The following NUAK2 variants were observed in gnomAD, a reference collection of about 807,000 sequenced individuals.
The protein encoded by NUAK2 is NUAK family kinase 2, also known as NUAK family SNF1-like kinase 2.
Under a neutral mutation model 29.8 loss-of-function variants are expected in NUAK2, and 20 were observed. That is an observed-to-expected ratio of 0.67 (90% CI 0.47 to 0.98). The LOEUF (loss-of-function observed/expected upper bound fraction) is 0.98, where lower values mean the gene tolerates loss of function less well. Ranked by LOEUF, NUAK2 falls within the 50% of genes least tolerant of loss-of-function variation. NUAK2 has a pLI of 0.00. For synonymous variants in NUAK2, 331 were observed against 342.6 expected, an observed-to-expected ratio of 0.97 and a Z score of 0.37; for missense variants, 719 against 834.5, an observed-to-expected ratio of 0.86 and a Z score of 1.71.
At chr1:205,306,609 C>T (rs1035273598) in intron 4 of NUAK2, among the ~76,000 whole-genome samples, 1 of 152,136 alleles carries the variant, frequency 6.6e-6, no homozygotes, top group Admixed American at 6.5e-5. Flanking sequence ...TGTCTCATGC[C>T]CATATCCCTT....
rs989370057 is a variant in NUAK2 at position 205,311,886 on chromosome 1, T to C, written c.232-61A>G. The C allele has an allele frequency of 8.7e-6, 14 of 1,602,876 alleles. No homozygotes were observed. The African/African-American group carries it at 1.9e-4, about 21-fold the overall frequency. ...TTGGCAGAGGACACTCTGGGGGCCC[T>C]GGTCCTGGTGGTTTGCCTGTAGCTG... On this transcript the variant is annotated intron_variant, in intron 1 of 6. Coordinates refer to ENST00000367157, the MANE Select transcript of NUAK2 (RefSeq NM_030952.3).
chr1:205,318,333 C>T (rs988763376), intron 1 of NUAK2, among the ~76,000 whole-genome samples: 1 of 152,208 alleles, frequency 6.6e-6, no homozygotes, highest in African/African-American at 2.4e-5. Flanking sequence ...GTTGGAATAA[C>T]AAAGCACACT....
At chr1:205,312,111 T>C (rs946174067) in intron 1 of NUAK2, among the ~76,000 whole-genome samples, 1 of 152,198 alleles carries the variant, frequency 6.6e-6, no homozygotes, top group Non-Finnish European at 1.5e-5. Context: ...AAAACCTGCA[T>C]TTGCAAGGCT....
rs1662095083 is a variant in NUAK2, at chr1:205,302,614, G to A, written c.*836C>T. The A allele has an allele frequency of 6.6e-6, 1 of 152,310 alleles. No homozygotes were observed. The allele number at this position is 152,310 out of a possible 1,614,324, so 9.4% of individuals were successfully genotyped here. Reference sequence around the variant, plus strand: ...AGGCTAAATAAGGAAGGGTTAGGTGGGGCGCGGTGGCTCACGCCTGTAATC... The same window carrying A: ...AGGCTAAATAAGGAAGGGTTAGGTGAGGCGCGGTGGCTCACGCCTGTAATC... On this transcript the variant is annotated 3_prime_UTR_variant, in exon 7 of 7. Transcript: ENST00000367157.
rs1287470915 is a variant in NUAK2, at chr1:205,303,046, T to G, written c.*404A>C. On this transcript the variant is annotated 3_prime_UTR_variant, in exon 7 of 7. Coordinates refer to ENST00000367157, the MANE Select transcript of NUAK2 (RefSeq NM_030952.3). ...TGTGTGTAAAGAGGTCTGGCCCCAC[T>G]TGGGCAGGGAATGAGTAGGGAAGGA... The G allele has an allele frequency of 1.9e-5, 3 of 157,056 alleles. No homozygotes were observed. Among genetic ancestry groups the G allele is most frequent in the African/African-American group, 7.2e-5 (3 of 41,626 alleles). The allele number at this position is 157,056 out of a possible 1,614,324, so 9.7% of individuals were successfully genotyped here.
At chr1:205,306,095 G>T in intron 5 of NUAK2, 93 bp downstream of exon 5, 1 of 1,465,488 alleles carries the variant, frequency 6.8e-7, no homozygotes, top group Non-Finnish European at 9.1e-7. Flanking sequence ...CTCTGAAAAT[G>T]TGAATAACGA....
chr1:205,314,171 G>C (rs527610671), intron 1 of NUAK2, among the ~76,000 whole-genome samples: 1 of 152,210 alleles, frequency 6.6e-6, no homozygotes, highest in South Asian at 2.1e-4. Flanking sequence ...GCCCTGGCCC[G>C]GTCACCCCGG....
At chr1:205,317,685 A>G (rs1348309500) in intron 1 of NUAK2, among the ~76,000 whole-genome samples, 2 of 152,150 alleles carry the variant, frequency 1.3e-5, no homozygotes, top group Non-Finnish European at 2.9e-5. Context: ...AGTGGCCTGC[A>G]GCCTCCCTCC....
At chr1:205,306,452 C>T in intron 4 of NUAK2, 145 bp from the exon 5 acceptor site, 1 of 1,044,148 alleles carries the variant, frequency 9.6e-7, no homozygotes, top group South Asian at 1.6e-5. Context: ...CCACACTGAG[C>T]ACTGTCAGCA....
chr1:205,321,387 G>A lies in NUAK2; in HGVS notation c.231+11C>T. On this transcript the variant is annotated intron_variant, in intron 1 of 6. Coordinates refer to ENST00000367157, the MANE Select transcript of NUAK2 (RefSeq NM_030952.3). ...AGCCCGCCCCGCGCCGCGAGAGGGAGCCGCACTCACCAGGCGCCCCGAGCT... is the reference window on the plus strand; with the variant it reads ...AGCCCGCCCCGCGCCGCGAGAGGGAACCGCACTCACCAGGCGCCCCGAGCT... 5 of 1,610,038 alleles carry A rather than the reference G, an allele frequency of 3.1e-6. No individual in the cohort carries two copies. The highest frequency in any genetic ancestry group is 4.2e-6 in the Non-Finnish European group (5 of 1,177,994).
rs531487140 is a variant in NUAK2, at chr1:205,313,580, T to C, written c.232-1755A>G. ...CCAGAAAATACCAGGGAGCAGGGCC[T>C]GAGGCGCGGAGCTGGGGAGAGACAC... On this transcript the variant is annotated intron_variant, in intron 1 of 6. Transcript: ENST00000367157. 1.9e-3 allele frequency among the ~76,000 whole-genome samples: 289 copies of C among 151,978 alleles called. 1 individual carries two copies. The highest frequency in any genetic ancestry group is 6.8e-3 in the African/African-American group (281 of 41,428).
chr1:205,308,182 C>T lies in NUAK2; in HGVS notation c.553G>A (p.Ala185Thr), dbSNP rs1210857447. Residue 185 changes from alanine (A) to threonine (T), a missense_variant, in exon 4 of 7, where the codon GCC becomes ACC. By Grantham distance (58) the Ala-to-Thr change is moderately conservative. This residue lies in a region of NUAK2 where 283 missense variants were observed against 345.6 expected (regional missense o/e 0.82). Transcript: ENST00000367157. The surrounding 1 kb of genome is among the most constrained non-coding windows in gnomAD (Gnocchi z 4.1). ...GGACTCACCTTGATATTCCCATTGG[C>T]ATCCAAGAGGATGTTCTCCAGCTTG... Reference protein sequence around the residue: ...DLKLENILLDANGNIKIADFG... With the variant: ...DLKLENILLDTNGNIKIADFG... The T allele has an allele frequency of 6.2e-7, 1 of 1,606,098 alleles. No homozygotes were observed. Among genetic ancestry groups the T allele is most frequent in the South Asian group, 1.1e-5 (1 of 90,320 alleles).
chr1:205,307,119 T>G (rs1110305), intron 4 of NUAK2, among the ~76,000 whole-genome samples: 27,845 of 152,112 alleles, frequency 0.18, 2,777 homozygotes, highest in East Asian at 0.38. Flanking sequence ...GAGAGACCCT[T>G]TCCCACCTAT....
chr1:205,314,583 A>G (rs1441021178), intron 1 of NUAK2, among the ~76,000 whole-genome samples: 1 of 151,938 alleles, frequency 6.6e-6, no homozygotes, highest in Non-Finnish European at 1.5e-5. Flanking sequence ...TCGCCTCCAT[A>G]CCCTTTTTCC....
At chr1:205,309,461 G>A (rs1662226080) in intron 2 of NUAK2, among the ~76,000 whole-genome samples, 1 of 152,054 alleles carries the variant, frequency 6.6e-6, no homozygotes, top group Non-Finnish European at 1.5e-5. Flanking sequence ...CGAGTAGCAG[G>A]GATTAAAGGT....
chr1:205,304,140 A>C lies in NUAK2; in HGVS notation c.1197T>G (p.Pro399=). 1 of 1,614,172 alleles carries C rather than the reference A, an allele frequency of 6.2e-7. No homozygotes were observed. The highest frequency in any genetic ancestry group is 1.1e-5 in the South Asian group (1 of 91,084). ...SDTADDTAHR[P]GKSNLKLPKG... is the part of the protein sequence containing the mutation. Reference sequence around the variant, plus strand: ...TTGGCAGCTTGAGGTTGCTCTTGCCAGGGCGATGGGCAGTGTCATCAGCCG... The same window carrying C: ...TTGGCAGCTTGAGGTTGCTCTTGCCCGGGCGATGGGCAGTGTCATCAGCCG... Residue 399 remains proline, a synonymous_variant, in exon 7 of 7, where the codon CCT becomes CCG. Transcript: ENST00000367157. This position sits in a 1 kb window ranked among gnomAD's most constrained non-coding sequence, Gnocchi z 6.5.
In NUAK2 at chr1:205,321,660, G is replaced by C. The variant is rs1558677968; in HGVS notation, c.-32C>G. ...CAGGAGGTGAGCAAGGGCGGCAGGG[G>C]AATCAGTAGGCTGTGCGGGGAGGGC... On this transcript the variant is annotated 5_prime_UTR_variant, in exon 1 of 7. Transcript: ENST00000367157. 20 of 1,575,918 alleles carry C rather than the reference G, an allele frequency of 1.3e-5. No individual in the cohort carries two copies. The highest frequency in any genetic ancestry group is 1.6e-5 in the Non-Finnish European group (19 of 1,160,466).
At chr1:205,310,456 A>T (rs1361839401) in intron 2 of NUAK2, among the ~76,000 whole-genome samples, 5 of 152,192 alleles carry the variant, frequency 3.3e-5, no homozygotes, top group African/African-American at 1.2e-4. Context: ...GCCCCTCCAG[A>T]CACACAGTAA....
Position 205,321,499 on chromosome 1 carries a change from G to A in NUAK2, c.130C>T (p.His44Tyr), listed in dbSNP as rs145871344. The A allele has an allele frequency of 4.3e-6, 7 of 1,613,890 alleles. No homozygotes were observed. Among genetic ancestry groups the A allele is most frequent in the African/African-American group, 2.7e-5 (2 of 74,924 alleles). Reference protein sequence around the residue: ...LMKKQAVKRHHHKHNLRHRYE... With the variant: ...LMKKQAVKRHYHKHNLRHRYE... The stretch of plus-strand genomic sequence containing the variant: ...CGGTGCCGCAGGTTGTGCTTGTGGT[G>A]GTGCCGCTTCACCGCCTGCTTCTTC... The change falls in exon 1 of 7, where the codon CAC (histidine) becomes TAC (tyrosine). Residue 44 changes from histidine to tyrosine, a missense_variant. Physicochemically the swap from His to Tyr is moderately conservative, Grantham distance 83. Around this residue, in one of 3 missense-constraint regions of NUAK2, gnomAD observed 283 missense variants for 345.6 expected, o/e 0.82. Coordinates refer to ENST00000367157, the MANE Select transcript of NUAK2 (RefSeq NM_030952.3).
Sources: allele counts gnomAD v4.1 joint callset (sites outside exome capture counted in the v4.1 genomes callset), GRCh38; gene constraint gnomAD v4.1.1; regional missense constraint gnomAD v4.1.1; non-coding constraint Gnocchi (gnomAD v3.1); transcripts MANE v1.5; gene names NCBI Gene and HGNC (gene_info 2026-07-23, HGNC 2026-07-21).